Variants in USH2A observed in about 807,000 individuals in gnomAD.
USH2A encodes usherin.
A neutral mutation model predicts 538.9 loss-of-function variants in USH2A; 443 were observed. That is an observed-to-expected ratio of 0.82 (90% CI 0.76 to 0.89). The LOEUF (loss-of-function observed/expected upper bound fraction) is 0.89, where lower values mean the gene tolerates loss of function less well. Ranked by LOEUF, USH2A falls within the 40% of genes least tolerant of loss-of-function variation. The pLI is 0.00. For synonymous variants in USH2A, 2,413 were observed against 2,273.5 expected (o/e 1.06, Z -1.75); for missense variants, 6,633 against 6,324.8 (o/e 1.05, Z -1.65).
chr1:215,948,564 T>C (rs1666817124), intron 37 of USH2A, among the ~76,000 whole-genome samples: 1 of 151,866 alleles, frequency 6.6e-6, no homozygotes, highest in African/African-American at 2.4e-5. Context: ...TAAGAATATA[T>C]ATTTTCTCAT....
chr1:216,076,139 G>A (rs892430389), intron 27 of USH2A, among the ~76,000 whole-genome samples: 5 of 152,022 alleles, frequency 3.3e-5, no homozygotes, highest in Non-Finnish European at 5.9e-5. Flanking sequence ...AGGGGACAGG[G>A]GTCCCTAACA....
rs192709780 is a variant in USH2A at position 215,674,993 on chromosome 1, G to A, written c.12918C>T (p.Leu4306=). The A allele has an allele frequency of 3.7e-5, 60 of 1,614,200 alleles. 1 individual carries two copies. The East Asian group carries it at 9.1e-4, about 25-fold the overall frequency. ...QSYRLQRNEM[L]YPFSFDPVTF... is the part of the protein sequence containing the mutation. ...TCACAGGATCAAAGCTAAAAGGATA[G>A]AGCATTTCATTCCTTTGAAGCCTAT... Residue 4306 remains leucine (L), a synonymous_variant, in exon 63 of 72, where the codon CTC becomes CTT. Transcript: ENST00000307340.
intron 21 of USH2A, among the ~76,000 whole-genome samples, chr1:216,134,217 T>A (rs913932677): frequency 6.6e-6 from 1 of 152,030 alleles, no homozygotes; most frequent in Non-Finnish European, 1.5e-5. Context: ...ATATAGAACA[T>A]AAAAGTTTTG....
chr1:215,895,728 T>C (rs1304618685), intron 40 of USH2A, among the ~76,000 whole-genome samples: 1 of 152,178 alleles, frequency 6.6e-6, no homozygotes, highest in Non-Finnish European at 1.5e-5. Flanking sequence ...TGAGCAAATA[T>C]AGCATGGCAA....
In USH2A at chr1:215,769,733, C is replaced by T. The variant is rs951143179; in HGVS notation, c.10940-2945G>A. Among the ~76,000 whole-genome samples the T allele has an allele frequency of 2.6e-5, 4 of 152,226 alleles. No individual in the cohort carries two copies. In the East Asian group the frequency reaches 7.7e-4, roughly 29 times the overall value. ...GGGTACTAGAATCAAGGAGGAATGG[C>T]AGACTCAGCACTGAGCAGAAAACCT... On this transcript the variant is annotated intron_variant, in intron 55 of 71. Transcript: ENST00000307340.
chr1:215,918,029 T>C (rs370047844), intron 38 of USH2A, among the ~76,000 whole-genome samples: 2 of 151,930 alleles, frequency 1.3e-5, no homozygotes, highest in Non-Finnish European at 2.9e-5. Context: ...AGTTGGACTC[T>C]TCCTCTATGG....
intron 5 of USH2A, 125 bp from the exon 6 acceptor site, chr1:216,325,724 T>G: frequency 1.1e-6 from 1 of 910,314 alleles, no homozygotes; most frequent in Non-Finnish European, 1.6e-6. Flanking sequence ...TTTTAATAAT[T>G]TGATGCATGA....
At chr1:216,173,942 T>C in intron 21 of USH2A, 1 of 980,406 alleles carries the variant, frequency 1.0e-6, no homozygotes, top group East Asian at 1.1e-4. Context: ...TTTTTTTTCT[T>C]TTCTTTTTTG....
intron 21 of USH2A, among the ~76,000 whole-genome samples, chr1:216,162,796 G>T (rs886654779): frequency 1.3e-5 from 2 of 152,036 alleles, no homozygotes; most frequent in African/African-American, 2.4e-5. Context: ...TGCATCCTTA[G>T]CTCTATGTTG....
At chr1:216,386,787 G>A (rs928120000) in intron 3 of USH2A, among the ~76,000 whole-genome samples, 13 of 148,700 alleles carry the variant, frequency 8.7e-5, no homozygotes, top group South Asian at 2.2e-4. Context: ...CCCGGGAGGC[G>A]GAGCTTGCCG....
intron 61 of USH2A, among the ~76,000 whole-genome samples, chr1:215,703,590 C>T (rs1464502480): frequency 6.6e-6 from 1 of 152,182 alleles, no homozygotes; most frequent in South Asian, 2.1e-4. Context: ...GTCCAAACTT[C>T]CTGGTGGCTT....
rs139225837 is a variant in USH2A at position 215,767,023 on chromosome 1, T to C, written c.10940-235A>G. 4.0e-3 allele frequency among the ~76,000 whole-genome samples: 615 copies of C among 152,264 alleles called. 6 individuals are homozygous for C. The highest frequency in any genetic ancestry group is 0.014 in the African/African-American group (590 of 41,558). On this transcript the variant is annotated intron_variant, in intron 55 of 71. Transcript: ENST00000307340. ...GCCATAGAAAAGACCTTAAAATTCA[T>C]GTGAACCATCCACCCTTCTCTTGAT...
chr1:215,787,707 G>A (rs1010091599), intron 51 of USH2A, among the ~76,000 whole-genome samples: 4 of 152,050 alleles, frequency 2.6e-5, no homozygotes. Context: ...CATAAAATAA[G>A]TTGAATTATT....
chr1:215,666,491 T>C (rs538367281), intron 64 of USH2A, among the ~76,000 whole-genome samples: 1 of 152,306 alleles, frequency 6.6e-6, no homozygotes, highest in Admixed American at 6.5e-5. Flanking sequence ...GGGCTGTTTA[T>C]GACAGTTTAG....
At chr1:215,771,502 C>T (rs1241507799) in intron 55 of USH2A, among the ~76,000 whole-genome samples, 1 of 136,504 alleles carries the variant, frequency 7.3e-6, no homozygotes, top group Non-Finnish European at 1.5e-5. Context: ...ATGGCGTGAA[C>T]CCAGGAGGCG....
At chr1:216,191,062 A>C (rs1031390752) in intron 19 of USH2A, among the ~76,000 whole-genome samples, 3 of 152,064 alleles carry the variant, frequency 2.0e-5, no homozygotes, top group African/African-American at 4.8e-5. Flanking sequence ...TAAATTATTA[A>C]ACAATTAACA....
intron 2 of USH2A, among the ~76,000 whole-genome samples, chr1:216,419,948 G>C (rs1285417645): frequency 6.6e-6 from 1 of 151,950 alleles, no homozygotes; most frequent in Non-Finnish European, 1.5e-5. Context: ...ACTATATTTT[G>C]TATGTATATT....
chr1:215,669,751 G>A (rs187964450), intron 64 of USH2A, among the ~76,000 whole-genome samples: 1 of 152,174 alleles, frequency 6.6e-6, no homozygotes, highest in Admixed American at 6.5e-5. Context: ...AACCATTCGA[G>A]AATTTATTTA....
chr1:216,115,108 TTTATTTTTG>T (rs982965221), intron 21 of USH2A, among the ~76,000 whole-genome samples: 1 of 106,504 alleles, frequency 9.4e-6, no homozygotes, highest in Non-Finnish European at 1.9e-5. Context: ...AAGATATTTA[TTTATTTTTG>T]TTTTGTTTTG....
Sources: gnomAD v4.1 joint callset for allele counts (sites outside exome capture counted in the v4.1 genomes callset) on GRCh38, gnomAD v4.1.1 for gene constraint, MANE v1.5 for transcripts, NCBI Gene and HGNC (gene_info 2026-07-23, HGNC 2026-07-21) for gene names.